Variants in VPS41 observed in about 807,000 individuals in gnomAD.
VPS41 encodes VPS41 subunit of HOPS complex, also known as vacuolar protein sorting-associated protein 41 homolog.
In VPS41, 85 loss-of-function variants were observed where a neutral mutation model predicts 130.9. That is an observed-to-expected ratio of 0.65 (90% CI 0.55 to 0.78). VPS41 has a LOEUF of 0.78. Among genes scored for constraint, VPS41 ranks in the 30% least tolerant of loss-of-function variants. The pLI is 0.00. For missense variants in VPS41, 874 were observed against 1,018.7 expected (o/e 0.86, Z 1.93); for synonymous variants, 335 against 332.9 (o/e 1.01, Z -0.07).
At chr7:38,766,993 T>C (rs1373146439) in intron 15 of VPS41, among the ~76,000 whole-genome samples, 1 of 152,202 alleles carries the variant, frequency 6.6e-6, no homozygotes, top group Non-Finnish European at 1.5e-5. Context: ...TCAGATACCC[T>C]AAGCTCAGGG....
intron 5 of VPS41, among the ~76,000 whole-genome samples, chr7:38,825,880 T>C (rs1413856763): frequency 6.6e-6 from 1 of 152,192 alleles, no homozygotes; most frequent in African/African-American, 2.4e-5. Context: ...ACCAGAACAC[T>C]GGGCAACAGC....
chr7:38,761,450 A>ATT (rs201050545), intron 17 of VPS41, among the ~76,000 whole-genome samples: 31 of 135,636 alleles, frequency 2.3e-4, no homozygotes, highest in Admixed American at 1.9e-3. Context: ...TAATTTTTGT[A>ATT]TTTTTTTTTT....
chr7:38,877,252 G>A (rs927377214), intron 2 of VPS41, among the ~76,000 whole-genome samples: 2 of 152,060 alleles, frequency 1.3e-5, no homozygotes, highest in Admixed American at 6.6e-5. Flanking sequence ...TTCCACACAG[G>A]AAAATCCAAA....
chr7:38,858,139 T>A (rs1188011011), intron 4 of VPS41, among the ~76,000 whole-genome samples: 1 of 152,140 alleles, frequency 6.6e-6, no homozygotes, highest in East Asian at 1.9e-4. Context: ...CTCTTCAGGA[T>A]CAGAAAAAGA....
chr7:38,734,103 A>G (rs1471449729), intron 25 of VPS41, among the ~76,000 whole-genome samples: 2 of 152,204 alleles, frequency 1.3e-5, no homozygotes, highest in African/African-American at 4.8e-5. Context: ...CAAAACAAAA[A>G]GAATTTCACT....
intron 1 of VPS41, 92 bp downstream of exon 1, chr7:38,909,062 C>T: frequency 2.0e-6 from 3 of 1,490,934 alleles, no homozygotes; most frequent in Non-Finnish European, 2.8e-6. Flanking sequence ...TCCAGCAGCT[C>T]CGCACCTCCA....
rs1294925262 is a variant in VPS41, at chr7:38,771,242, C to T, written c.1141G>A (p.Ala381Thr). 3 of 1,598,418 alleles carry T rather than the reference C, an allele frequency of 1.9e-6. No homozygotes were observed. The highest frequency in any genetic ancestry group is 1.7e-4 in the Middle Eastern group (1 of 5,994). Residue 381 changes from alanine to threonine, a missense_variant, in exon 14 of 29, where the codon GCA becomes ACA. Ala to Thr is a moderately conservative substitution (Grantham distance 58). Coordinates refer to ENST00000310301, the MANE Select transcript of VPS41 (RefSeq NM_014396.4). Reference sequence around the variant, plus strand: ...ATATTTTTTTGGCTAATTTCAGCTGCCATCAATGCTTCCTTTATTCCAAAC... The same window carrying T: ...ATATTTTTTTGGCTAATTTCAGCTGTCATCAATGCTTCCTTTATTCCAAAC... ...EKKKYEEALM[A>T]AEISQKNIKR...
chr7:38,770,968 A>G (rs1190851386), intron 14 of VPS41, among the ~76,000 whole-genome samples: 2 of 152,186 alleles, frequency 1.3e-5, no homozygotes, highest in African/African-American at 4.8e-5. Flanking sequence ...AGTGTTTTCC[A>G]CAGATACAGT....
intron 25 of VPS41, among the ~76,000 whole-genome samples, chr7:38,733,475 T>C (rs1223139329): frequency 1.3e-5 from 2 of 152,230 alleles, no homozygotes; most frequent in African/African-American, 4.8e-5. Flanking sequence ...TGAAGGTTTA[T>C]AGACTACAGA....
intron 2 of VPS41, among the ~76,000 whole-genome samples, chr7:38,875,384 G>T (rs1786471227): frequency 6.6e-6 from 1 of 152,006 alleles, no homozygotes; most frequent in Admixed American, 6.6e-5. Flanking sequence ...GAACCTGAAG[G>T]TAAAGTTCAA....
chr7:38,885,943 A>C (rs1786719956), intron 2 of VPS41, among the ~76,000 whole-genome samples: 1 of 152,170 alleles, frequency 6.6e-6, no homozygotes, highest in African/African-American at 2.4e-5. Flanking sequence ...GACACAAGAC[A>C]GAACCACTGA....
Position 38,876,095 on chromosome 7 carries a change from G to A in VPS41, c.61-6842C>T, listed in dbSNP as rs150625534. Among the ~76,000 whole-genome samples the A allele has an allele frequency of 4.7e-3, 715 of 152,270 alleles. 8 individuals carry two copies. The highest frequency in any genetic ancestry group is 0.017 in the African/African-American group (694 of 41,556). ...GAGTCATTTTTGTTGTCACAGTTGGGTGGGGGAAAGGTGCTACTGACATCT... is the reference window on the plus strand; with the variant it reads ...GAGTCATTTTTGTTGTCACAGTTGGATGGGGGAAAGGTGCTACTGACATCT... On this transcript the variant is annotated intron_variant, in intron 2 of 28. Coordinates refer to ENST00000310301, the MANE Select transcript of VPS41 (RefSeq NM_014396.4).
intron 2 of VPS41, among the ~76,000 whole-genome samples, chr7:38,889,120 A>T (rs917649116): frequency 6.9e-6 from 1 of 144,284 alleles, no homozygotes; most frequent in East Asian, 2.0e-4. Flanking sequence ...AAAAAAAAAA[A>T]TGAAGAGTCT....
chr7:38,772,001 A>AC (rs112618367), intron 13 of VPS41, among the ~76,000 whole-genome samples: 8,298 of 152,162 alleles, frequency 0.055, 735 homozygotes, highest in African/African-American at 0.19. Flanking sequence ...AAGCCCATCT[A>AC]AGAACGTAAC....
chr7:38,743,016 A>G (rs1197708751), intron 24 of VPS41, among the ~76,000 whole-genome samples: 2 of 152,136 alleles, frequency 1.3e-5, no homozygotes, highest in East Asian at 3.8e-4. Context: ...ACATGTTTCC[A>G]AAAAAGACTG....
At chr7:38,821,580 G>C (rs1409357499) in intron 5 of VPS41, among the ~76,000 whole-genome samples, 4 of 151,832 alleles carry the variant, frequency 2.6e-5, no homozygotes, top group African/African-American at 4.8e-5. Flanking sequence ...ATGGTGGCGT[G>C]CATCTGTAGT....
At chr7:38,907,581 A>C (rs897445178) in intron 1 of VPS41, among the ~76,000 whole-genome samples, 6 of 152,358 alleles carry the variant, frequency 3.9e-5, no homozygotes, top group African/African-American at 1.2e-4. Flanking sequence ...GGTTTTTAAA[A>C]CTAGAAAATA....
chr7:38,800,243 G>A (rs980466083), intron 7 of VPS41, among the ~76,000 whole-genome samples: 1 of 152,060 alleles, frequency 6.6e-6, no homozygotes, highest in Admixed American at 6.5e-5. Flanking sequence ...AAAAAGCTAT[G>A]AGGGCATATT....
chr7:38,822,804 T>C (rs137966377), intron 5 of VPS41, among the ~76,000 whole-genome samples: 190 of 152,340 alleles, frequency 1.2e-3, no homozygotes, highest in Non-Finnish European at 2.4e-3. Flanking sequence ...AGTTTGAATG[T>C]TTGTGTTCCC....
Sources: allele counts gnomAD v4.1 joint callset (sites outside exome capture counted in the v4.1 genomes callset), GRCh38; gene constraint gnomAD v4.1.1; transcripts MANE v1.5; gene names NCBI Gene and HGNC (gene_info 2026-07-23, HGNC 2026-07-21).